Variants in TET3 observed in about 807,000 individuals in gnomAD.
TET3 encodes methylcytosine dioxygenase TET3.
TET3 carries 19 observed loss-of-function variants against 141.4 expected under a neutral mutation model. The ratio of observed to expected loss-of-function variants is 0.13; its 90% CI spans 0.09 to 0.20. The LOEUF is 0.20. Among genes scored for constraint, TET3 ranks in the 10% least tolerant of loss-of-function variants. The pLI, the probability that TET3 is intolerant of heterozygous loss-of-function variation, is 1.00. For synonymous variants in TET3, 1,043 were observed against 980.9 expected (o/e 1.06, Z -1.18); for missense variants, 1,874 against 2,356.9 (o/e 0.80, Z 4.24).
chr2:74,079,164 T>C (rs1573870206), intron 5 of TET3, among the ~76,000 whole-genome samples: 1 of 152,104 alleles, frequency 6.6e-6, no homozygotes, highest in Non-Finnish European at 1.5e-5. Flanking sequence ...CTGGCCAACA[T>C]GGTGAAACCC....
intron 2 of TET3, among the ~76,000 whole-genome samples, chr2:74,002,433 G>C (rs953470859): frequency 6.6e-6 from 1 of 150,606 alleles, no homozygotes; most frequent in African/African-American, 2.5e-5. Flanking sequence ...CTTTGATCCT[G>C]GAGGCGCAGA....
At position 74,047,964 on chromosome 2, in the gene TET3, A is replaced by G. The variant is rs1472396505; in HGVS notation, c.2047A>G (p.Met683Val). 9.3e-6 allele frequency: 15 copies of G among 1,612,548 alleles called. No individual in the cohort carries two copies. The East Asian group carries it at 2.2e-4, about 24-fold the overall frequency. ...RDSLLPPTQEMRSPSPMTALQ... is the reference protein window; with the variant it reads ...RDSLLPPTQEVRSPSPMTALQ... ...CAGCCTGCTGCCCCCTACTCAGGAAATGAGGTCCCCCAGCCCCATGACAGC... is the reference window on the plus strand; with the variant it reads ...CAGCCTGCTGCCCCCTACTCAGGAAGTGAGGTCCCCCAGCCCCATGACAGC... The change falls in exon 4 of 12, where the codon ATG becomes GTG. Residue 683 changes from methionine to valine, a missense_variant. Coordinates refer to ENST00000409262, the MANE Select transcript of TET3 (RefSeq NM_001287491.2).
chr2:74,022,374 G>A (rs1245250587), intron 3 of TET3, among the ~76,000 whole-genome samples: 1 of 151,382 alleles, frequency 6.6e-6, no homozygotes, highest in African/African-American at 2.4e-5. Context: ...TCATGCTTTG[G>A]CAAGTATTGC....
chr2:74,016,082 T>A (rs1465072861), intron 3 of TET3, among the ~76,000 whole-genome samples: 1 of 151,994 alleles, frequency 6.6e-6, no homozygotes, highest in African/African-American at 2.4e-5. Flanking sequence ...TAAAAAAAAA[T>A]TCAGGCTGGG....
At chr2:74,041,096 A>G (rs781781195) in intron 3 of TET3, among the ~76,000 whole-genome samples, 1 of 152,078 alleles carries the variant, frequency 6.6e-6, no homozygotes, top group Non-Finnish European at 1.5e-5. Context: ...TCTTTTCCGC[A>G]TCTCCATTGA....
At chr2:74,073,893 A>G (rs186750996) in intron 5 of TET3, 19 of 340,016 alleles carry the variant, frequency 5.6e-5, no homozygotes, top group African/African-American at 2.6e-4. Context: ...ATATGGCTCT[A>G]TGTCCTGTAG....
At chr2:74,117,132 A>C in the TET3 span, among the ~76,000 whole-genome samples, 1 of 152,084 alleles carries the variant, frequency 6.6e-6, no homozygotes, top group Non-Finnish European at 1.5e-5. Flanking sequence ...TAAAGAGATA[A>C]ATCAGGATTT....
the TET3 span, among the ~76,000 whole-genome samples, chr2:74,132,124 C>T: frequency 5.9e-5 from 9 of 152,134 alleles, no homozygotes; most frequent in Non-Finnish European, 1.0e-4. Flanking sequence ...TTGTCCCAGC[C>T]CTTCTTTGAA....
Position 74,093,472 on chromosome 2 carries a change from G to A in TET3, c.3130-57G>A, listed in dbSNP as rs1690628300. On this transcript the variant is annotated intron_variant, in intron 9 of 11. Coordinates refer to ENST00000409262, the MANE Select transcript of TET3 (RefSeq NM_001287491.2). The surrounding 1 kb of genome is among the most constrained non-coding windows in gnomAD (Gnocchi z 4.2). ...CCAAGACCTGGCCTCCCCAGGTGCA[G>A]AATCGGGGCCACTCACCTCAGGTCA... 1 of 1,505,028 alleles carries A rather than the reference G, an allele frequency of 6.6e-7. No individual in the cohort carries two copies. Among genetic ancestry groups the A allele is most frequent in the African/African-American group, 1.4e-5 (1 of 72,112 alleles). The allele number at this position is 1,505,028 out of a possible 1,614,324, so 93.2% of individuals were successfully genotyped here.
intron 7 of TET3, among the ~76,000 whole-genome samples, chr2:74,089,300 C>T (rs1263989295): frequency 1.3e-5 from 2 of 152,058 alleles, no homozygotes; most frequent in Non-Finnish European, 2.9e-5. Context: ...ATAGTGTTTT[C>T]AGTGTTCATC....
At position 74,101,205 on chromosome 2, in the gene TET3, A is replaced by C; in HGVS notation, c.4417A>C (p.Ser1473Arg). 6.2e-7 allele frequency: 1 copy of C among 1,613,344 alleles called. No homozygotes were observed. The highest frequency in any genetic ancestry group is 1.1e-5 in the South Asian group (1 of 91,000). The change falls in exon 12 of 12, where the codon AGT becomes CGT. Residue 1473 changes from serine to arginine, a missense_variant. Coordinates refer to ENST00000409262, the MANE Select transcript of TET3 (RefSeq NM_001287491.2). The surrounding 1 kb of genome is among the most constrained non-coding windows in gnomAD (Gnocchi z 8.5). ...ESPAIVPDKL[S>R]SFGASCLAPS... is the part of the protein sequence containing the mutation. ...TCCTGCCATCGTCCCTGACAAGCTC[A>C]GTTCCTTTGGGGCCAGCTGCCTGGC...
At chr2:74,016,477 T>C (rs1455193312) in intron 3 of TET3, among the ~76,000 whole-genome samples, 1 of 152,176 alleles carries the variant, frequency 6.6e-6, no homozygotes, top group East Asian at 1.9e-4. Flanking sequence ...ATACTAGCAC[T>C]TTGGGAAGCT....
At chr2:74,030,074 G>A (rs1237679542) in intron 3 of TET3, among the ~76,000 whole-genome samples, 1 of 151,502 alleles carries the variant, frequency 6.6e-6, no homozygotes. Flanking sequence ...AAAGGACTCT[G>A]TTTGTTCACT....
intron 4 of TET3, among the ~76,000 whole-genome samples, chr2:74,061,219 C>T (rs1204971741): frequency 4.1e-5 from 6 of 145,366 alleles, no homozygotes; most frequent in East Asian, 4.3e-4. Context: ...CCCTCCCGGA[C>T]GGGGTGGCTG....
intron 8 of TET3, among the ~76,000 whole-genome samples, chr2:74,092,097 A>G (rs564365399): frequency 2.6e-5 from 4 of 152,226 alleles, no homozygotes; most frequent in Admixed American, 2.6e-4. Flanking sequence ...TGAGGTCAGG[A>G]GTTTGAGACC....
chr2:74,065,596 T>C (rs77673379), intron 4 of TET3, among the ~76,000 whole-genome samples: 2,568 of 138,980 alleles, frequency 0.018, 84 homozygotes, highest in African/African-American at 0.065. Flanking sequence ...TCGTCCGTCC[T>C]TCCTTCCGTC....
intron 2 of TET3, among the ~76,000 whole-genome samples, chr2:73,996,312 C>T (rs1684593944): frequency 6.6e-6 from 1 of 151,832 alleles, no homozygotes; most frequent in African/African-American, 2.4e-5. Flanking sequence ...GGAAAGAGAC[C>T]CCTTCATCTT....
At chr2:74,034,237 C>T (rs1356361296) in intron 3 of TET3, among the ~76,000 whole-genome samples, 1 of 147,224 alleles carries the variant, frequency 6.8e-6, no homozygotes, top group Non-Finnish European at 1.5e-5. Context: ...CAAGGTATGG[C>T]TGTATTATAG....
At chr2:74,079,294 C>A (rs759424885) in intron 5 of TET3, among the ~76,000 whole-genome samples, 4 of 152,016 alleles carry the variant, frequency 2.6e-5, no homozygotes, top group Non-Finnish European at 5.9e-5. Flanking sequence ...TGCAATGAGC[C>A]GAGATTGCAC....
Sources: gnomAD v4.1 joint callset for allele counts (sites outside exome capture counted in the v4.1 genomes callset) on GRCh38, gnomAD v4.1.1 for gene constraint, Gnocchi (gnomAD v3.1) non-coding constraint, MANE v1.5 for transcripts, NCBI Gene and HGNC (gene_info 2026-07-23, HGNC 2026-07-21) for gene names.